CCT3: variants seen among roughly 807,000 people sequenced by gnomAD.
CCT3 encodes T-complex protein 1 subunit gamma.
A neutral mutation model predicts 65.3 loss-of-function variants in CCT3; 10 were observed. That is an observed-to-expected ratio of 0.15 (90% CI 0.09 to 0.26). The LOEUF (loss-of-function observed/expected upper bound fraction) is 0.26, where lower values mean the gene tolerates loss of function less well. Ranked by LOEUF, CCT3 falls within the 10% of genes least tolerant of loss-of-function variation. The probability of loss-of-function intolerance (pLI) is 1.00; values close to 1 mark genes in which losing one functional copy is unlikely to be tolerated. For missense variants in CCT3, 626 were observed against 708.7 expected (o/e 0.88, Z 1.33); for synonymous variants, 225 against 242.3 (o/e 0.93, Z 0.66).
chr1:156,334,988 G>A, intron 2 of CCT3, 70 bp from the exon 3 acceptor site: 2 of 1,335,312 alleles, frequency 1.5e-6, no homozygotes, highest in Non-Finnish European at 2.1e-6. Flanking sequence ...TGGAGTAATA[G>A]GGAAAAGGGG....
At chr1:156,330,824 G>C (rs1159369988) in intron 5 of CCT3, among the ~76,000 whole-genome samples, 1 of 151,908 alleles carries the variant, frequency 6.6e-6, no homozygotes, top group Non-Finnish European at 1.5e-5. Flanking sequence ...TGAGACAGGA[G>C]AATCACTTGA....
chr1:156,322,729 C>T (rs1003488678), intron 6 of CCT3, among the ~76,000 whole-genome samples: 2 of 151,814 alleles, frequency 1.3e-5, no homozygotes, highest in African/African-American at 4.8e-5. Context: ...CGTAGTGGCA[C>T]ATGCCTATAA....
chr1:156,326,213 T>C lies in CCT3; in HGVS notation c.305-1124A>G, dbSNP rs1292289390. ...AGCCAGGTATGGTGGCATGTGCCTGTAGCTACTTGGGAACCTGGGCTGGGA... is the reference window on the plus strand; with the variant it reads ...AGCCAGGTATGGTGGCATGTGCCTGCAGCTACTTGGGAACCTGGGCTGGGA... On this transcript the variant is annotated intron_variant, in intron 5 of 13. Transcript: ENST00000295688. Among the ~76,000 whole-genome samples, 3 of 152,122 alleles carry C rather than the reference T, an allele frequency of 2.0e-5. No individual in the cohort carries two copies. The South Asian group carries it at 6.2e-4, about 32-fold the overall frequency.
In CCT3 at chr1:156,312,068, G is replaced by C. The variant is rs776479532; in HGVS notation, c.1128C>G (p.Leu376=). The C allele has an allele frequency of 6.2e-7, 1 of 1,611,854 alleles. No individual in the cohort carries two copies. Among genetic ancestry groups the C allele is most frequent in the Non-Finnish European group, 8.5e-7 (1 of 1,179,062 alleles). ...CKDPKACTIL[L]RGASKEILSE... ...AGAGAATCTCTTTGCTAGCCCCCCGGAGGAGAATGGTGCAGGCCTTGGGGT... is the reference window on the plus strand; with the variant it reads ...AGAGAATCTCTTTGCTAGCCCCCCGCAGGAGAATGGTGCAGGCCTTGGGGT... The change falls in exon 11 of 14, where the codon CTC becomes CTG. Residue 376 remains leucine (L), a synonymous_variant. Coordinates refer to ENST00000295688, the MANE Select transcript of CCT3 (RefSeq NM_005998.5).
At chr1:156,333,344 A>C in intron 5 of CCT3, 1 of 533,928 alleles carries the variant, frequency 1.9e-6, no homozygotes, top group Non-Finnish European at 3.3e-6. Flanking sequence ...AAGAGAATTA[A>C]CTATTAGTTT....
In CCT3 at chr1:156,321,031, GA is replaced by G; in HGVS notation, c.423-7del. On this transcript the variant is annotated splice_polypyrimidine_tract_variant and splice_region_variant and intron_variant, in intron 6 of 13. Coordinates refer to ENST00000295688, the MANE Select transcript of CCT3 (RefSeq NM_005998.5). ...CACTGATGTCGACTGGGATACTAGA[GA>G]AAAGAAAACCAGACGATATGTGAAG... is the stretch of plus-strand genomic sequence containing the variant. 1 of 1,609,698 alleles carries G rather than the reference GA, an allele frequency of 6.2e-7. No homozygotes were observed. Among genetic ancestry groups the G allele is most frequent in the South Asian group, 1.1e-5 (1 of 90,814 alleles).
intron 6 of CCT3, among the ~76,000 whole-genome samples, chr1:156,322,575 A>G (rs11264472): frequency 0.46 from 69,098 of 151,436 alleles, 16,513 homozygotes; most frequent in Admixed American, 0.59. Flanking sequence ...AAAATATTTC[A>G]GGCCAGGCAC....
chr1:156,327,296 CGGTCTCCCTCTCCCT>C (rs1344648180), intron 5 of CCT3, among the ~76,000 whole-genome samples: 3 of 151,480 alleles, frequency 2.0e-5, no homozygotes, highest in Non-Finnish European at 3.0e-5. Context: ...TCCCTCTCCA[CGGTCTCCCTCTCCCT>C]CTCTTTCCAC....
rs1664043000 is a variant in CCT3, at chr1:156,310,594, C to T, written c.1497G>A (p.Leu499=). 2 of 1,613,922 alleles carry T rather than the reference C, an allele frequency of 1.2e-6. No individual in the cohort carries two copies. The highest frequency in any genetic ancestry group is 8.5e-7 in the Non-Finnish European group (1 of 1,179,838). ...TCTTATAAGTCTGCAGCTTCACAGCCAATGGCTCCCATATGCCCAGTTCCT... is the reference window on the plus strand; with the variant it reads ...TCTTATAAGTCTGCAGCTTCACAGCTAATGGCTCCCATATGCCCAGTTCCT... The part of the protein sequence containing the change: ...DMKELGIWEP[L]AVKLQTYKTA... Residue 499 remains leucine, a synonymous_variant, in exon 13 of 14, where the codon TTG becomes TTA. Coordinates refer to ENST00000295688, the MANE Select transcript of CCT3 (RefSeq NM_005998.5).
chr1:156,328,865 TAAA>T (rs138492431), intron 5 of CCT3, among the ~76,000 whole-genome samples: 4 of 145,948 alleles, frequency 2.7e-5, no homozygotes, highest in Non-Finnish European at 6.0e-5. Context: ...AAAATAAAAA[TAAA>T]AAAAAAAAAT....
intron 1 of CCT3, among the ~76,000 whole-genome samples, chr1:156,336,917 T>TTA (rs983986087): frequency 2.0e-5 from 3 of 151,410 alleles, no homozygotes; most frequent in Non-Finnish European, 4.4e-5. Context: ...CAAAATAGCG[T>TTA]TTTTATTTTA....
rs901482480 is a variant in CCT3 at position 156,335,561 on chromosome 1, G to A, written c.93+266C>T. On this transcript the variant is annotated intron_variant, in intron 2 of 13. Transcript: ENST00000295688. The stretch of plus-strand genomic sequence containing the variant: ...TCAAGTAACTCAGTTTAGTATGGGA[G>A]ACAAACACAAATAGAATACTATAAA... 2.0e-4 allele frequency: 80 copies of A among 407,278 alleles called. No individual in the cohort carries two copies. In the Middle Eastern group the frequency reaches 3.2e-3, roughly 16 times the overall value. The allele number at this position is 407,278 out of a possible 1,614,324, so 25.2% of individuals were successfully genotyped here.
At chr1:156,337,156 G>A (rs1023130534) in intron 1 of CCT3, 43 of 1,128,028 alleles carry the variant, frequency 3.8e-5, no homozygotes, top group Non-Finnish European at 4.8e-5. Flanking sequence ...TGTAATCTCA[G>A]CACTTTGGGA....
chr1:156,316,729 T>A (rs758819368), intron 10 of CCT3, among the ~76,000 whole-genome samples: 1 of 152,204 alleles, frequency 6.6e-6, no homozygotes, highest in Non-Finnish European at 1.5e-5. Context: ...CAGACATCAG[T>A]GCAGAAGTAG....
rs1399933694 is a variant in CCT3 at position 156,321,035 on chromosome 1, AG to A, written c.423-11del. On this transcript the variant is annotated splice_polypyrimidine_tract_variant and intron_variant, in intron 6 of 13. Transcript: ENST00000295688. Reference sequence around the variant, plus strand: ...GATGTCGACTGGGATACTAGAGAAAAGAAAACCAGACGATATGTGAAGAAGG... The same window carrying A: ...GATGTCGACTGGGATACTAGAGAAAAAAAACCAGACGATATGTGAAGAAGG... The A allele has an allele frequency of 6.2e-7, 1 of 1,609,202 alleles. No homozygotes were observed.
At chr1:156,332,047 A>C (rs1485397714) in intron 5 of CCT3, among the ~76,000 whole-genome samples, 2 of 135,498 alleles carry the variant, frequency 1.5e-5, no homozygotes, top group Admixed American at 7.7e-5. Context: ...AAAAAAAGAG[A>C]CATGGTCTTG....
Position 156,333,537 on chromosome 1 carries a change from C to G in CCT3, c.304+10G>C. The G allele has an allele frequency of 6.2e-7, 1 of 1,604,118 alleles. No homozygotes were observed. Among genetic ancestry groups the G allele is most frequent in the Non-Finnish European group, 8.5e-7 (1 of 1,171,312 alleles). The stretch of plus-strand genomic sequence containing the variant: ...AATTTTTCCTTATCAACCTCTTATT[C>G]TCCTCTTACCAAGAATAATTACTGA... On this transcript the variant is annotated intron_variant, in intron 5 of 13. Coordinates refer to ENST00000295688, the MANE Select transcript of CCT3 (RefSeq NM_005998.5).
intron 1 of CCT3, among the ~76,000 whole-genome samples, chr1:156,336,896 C>T (rs1013945802): frequency 1.4e-5 from 2 of 147,962 alleles, no homozygotes; most frequent in African/African-American, 5.0e-5. Context: ...AAGAAGGCGG[C>T]TTTTTTTTTT....
In CCT3 at chr1:156,320,346, T is replaced by C. The variant is rs187155707; in HGVS notation, c.609+493A>G. Among the ~76,000 whole-genome samples the C allele has an allele frequency of 7.7e-3, 1,168 of 152,210 alleles. 20 individuals carry two copies. The highest frequency in any genetic ancestry group is 0.026 in the African/African-American group (1,076 of 41,526). On this transcript the variant is annotated intron_variant, in intron 7 of 13. Coordinates refer to ENST00000295688, the MANE Select transcript of CCT3 (RefSeq NM_005998.5). Reference sequence around the variant, plus strand: ...TCACTCGAACCCGGGAGGTGGAGGCTACAGTGAGCCGAGATCGCACCACTG... The same window carrying C: ...TCACTCGAACCCGGGAGGTGGAGGCCACAGTGAGCCGAGATCGCACCACTG...
Sources: allele counts gnomAD v4.1 joint callset (sites outside exome capture counted in the v4.1 genomes callset), GRCh38; gene constraint gnomAD v4.1.1; transcripts MANE v1.5; gene names NCBI Gene and HGNC (gene_info 2026-07-23, HGNC 2026-07-21).